Variants in FAM107B observed in about 807,000 individuals in gnomAD.
The protein encoded by FAM107B is protein FAM107B.
FAM107B carries 21 observed loss-of-function variants against 31.5 expected under a neutral mutation model. The observed-to-expected ratio is 0.67, with a 90% CI of 0.47 to 0.96. The LOEUF (loss-of-function observed/expected upper bound fraction) is 0.96. Among genes scored for constraint, FAM107B ranks in the 40% least tolerant of loss-of-function variants. FAM107B has a pLI of 0.00. For missense variants in FAM107B, 452 were observed against 377.1 expected (o/e 1.20, Z -1.64); for synonymous variants, 157 against 141.5 (o/e 1.11, Z -0.78).
chr10:14,737,766 TTCTC>T lies in FAM107B; in HGVS notation c.411+36483_411+36486del, dbSNP rs11276189. On this transcript the variant is annotated intron_variant, in intron 1 of 4. Transcript: ENST00000181796. ...CCATGCAGTGCTGTGCGTGCACGCTTTCTCTCTCTCTCTCTCTCTCTCTCTCTCT... is the reference window on the plus strand; with the variant it reads ...CCATGCAGTGCTGTGCGTGCACGCTTTCTCTCTCTCTCTCTCTCTCTCTCT... 1.7e-3 allele frequency among the ~76,000 whole-genome samples: 221 copies of T among 127,096 alleles called. 2 individuals are homozygous for T. In the South Asian group the frequency reaches 0.048, roughly 27 times the overall value. 83.4% of individuals were successfully genotyped at this position (127,096 alleles called of 152,430 possible). A position where few individuals can be genotyped will look rare whatever the true frequency, so the allele number is the denominator to read the frequency against.
chr10:14,589,749 T>C (rs1436908681), intron 2 of FAM107B, among the ~76,000 whole-genome samples: 2 of 152,090 alleles, frequency 1.3e-5, no homozygotes, highest in Non-Finnish European at 2.9e-5. Flanking sequence ...CAAACCACCG[T>C]GGCACATGTA....
intron 2 of FAM107B, among the ~76,000 whole-genome samples, chr10:14,552,501 G>T (rs536834815): frequency 6.6e-6 from 1 of 152,144 alleles, no homozygotes; most frequent in East Asian, 1.9e-4. Flanking sequence ...ACGTTTCCAG[G>T]AGAAATACAT....
chr10:14,543,382 C>T (rs1452845532), intron 2 of FAM107B, among the ~76,000 whole-genome samples: 1 of 152,122 alleles, frequency 6.6e-6, no homozygotes, highest in African/African-American at 2.4e-5. Context: ...CATCCAAGGC[C>T]ACTCTGAAGC....
At chr10:14,521,745 C>T (rs779291859) in intron 4 of FAM107B, 124 bp downstream of exon 4, 80 of 1,379,512 alleles carry the variant, frequency 5.8e-5, no homozygotes, top group Non-Finnish European at 7.5e-5. Flanking sequence ...ACATTTGTCT[C>T]CAATATTTCT....
intron 2 of FAM107B, among the ~76,000 whole-genome samples, chr10:14,562,186 T>C (rs1334693527): frequency 1.3e-5 from 2 of 152,240 alleles, no homozygotes; most frequent in Non-Finnish European, 2.9e-5. Context: ...CCAGTAGGGA[T>C]GCCCTCAAAT....
At chr10:14,730,269 C>T (rs1468632523) in intron 1 of FAM107B, among the ~76,000 whole-genome samples, 2 of 152,198 alleles carry the variant, frequency 1.3e-5, no homozygotes, top group African/African-American at 4.8e-5. Flanking sequence ...TGAGATGTCA[C>T]ATGGGCATCA....
At chr10:14,761,783 AG>A (rs375940559) in intron 1 of FAM107B, among the ~76,000 whole-genome samples, 4,999 of 151,096 alleles carry the variant, frequency 0.033, 267 homozygotes, top group African/African-American at 0.11. Context: ...TTTTTAGTAG[AG>A]GGGGGGGTTT....
chr10:14,702,940 C>T (rs1413674000), intron 1 of FAM107B, among the ~76,000 whole-genome samples: 1 of 152,148 alleles, frequency 6.6e-6, no homozygotes, highest in Non-Finnish European at 1.5e-5. Flanking sequence ...AAGAATGTCA[C>T]CGGACCTGAT....
Position 14,634,256 on chromosome 10 carries a change from C to G in FAM107B, c.469+33378G>C, listed in dbSNP as rs536755736. Among the ~76,000 whole-genome samples, 9 of 152,036 alleles carry G rather than the reference C, an allele frequency of 5.9e-5. No homozygotes were observed. In the South Asian group the frequency reaches 1.9e-3, roughly 32 times the overall value. On this transcript the variant is annotated intron_variant, in intron 2 of 4. Coordinates refer to ENST00000181796, the MANE Select transcript of FAM107B (RefSeq NM_031453.4). ...CTAAAATTACAAAAAAAAAATTAGCCAGGCGTGGTGGCGGGTGCCTATAGT... is the reference window on the plus strand; with the variant it reads ...CTAAAATTACAAAAAAAAAATTAGCGAGGCGTGGTGGCGGGTGCCTATAGT...
intron 1 of FAM107B, among the ~76,000 whole-genome samples, chr10:14,680,372 G>A (rs1854802209): frequency 6.6e-6 from 1 of 152,022 alleles, no homozygotes; most frequent in Non-Finnish European, 1.5e-5. Context: ...TCAGGAGTTC[G>A]AGACCAGCCA....
At chr10:14,671,880 A>AC (rs1223064076) in intron 1 of FAM107B, among the ~76,000 whole-genome samples, 2 of 53,096 alleles carry the variant, frequency 3.8e-5, no homozygotes, top group Non-Finnish European at 1.1e-4. Flanking sequence ...TTTAAAAAAA[A>AC]AAAACAAAAA....
In FAM107B at chr10:14,717,343, C is replaced by A. The variant is rs1295325087; in HGVS notation, c.412-49652G>T. 2.6e-5 allele frequency among the ~76,000 whole-genome samples: 4 copies of A among 152,088 alleles called. No individual in the cohort carries two copies. The East Asian group carries it at 7.7e-4, about 29-fold the overall frequency. On this transcript the variant is annotated intron_variant, in intron 1 of 4. Transcript: ENST00000181796. ...GTAAAAGGGAGTGTACTAGGGAGAACTGGCTCACAGGATTGCAAGGTGAGG... is the reference window on the plus strand; with the variant it reads ...GTAAAAGGGAGTGTACTAGGGAGAAATGGCTCACAGGATTGCAAGGTGAGG...
intron 1 of FAM107B, among the ~76,000 whole-genome samples, chr10:14,669,329 C>A (rs1219575219): frequency 2.7e-5 from 4 of 146,276 alleles, no homozygotes; most frequent in Non-Finnish European, 5.9e-5. Context: ...GAGATTGCAC[C>A]ACTGTACTCC....
chr10:14,583,157 C>T lies in FAM107B; in HGVS notation c.470-52642G>A, dbSNP rs555535941. Among the ~76,000 whole-genome samples the T allele has an allele frequency of 5.3e-5, 8 of 151,896 alleles. No homozygotes were observed. The East Asian group carries it at 1.5e-3, about 29-fold the overall frequency. On this transcript the variant is annotated intron_variant, in intron 2 of 4. Coordinates refer to ENST00000181796, the MANE Select transcript of FAM107B (RefSeq NM_031453.4). Reference sequence around the variant, plus strand: ...GTAAACGGCAGACCTGGAAGGTGGGCCCGGCAGTCTCATTCCAGAGCCTGA... The same window carrying T: ...GTAAACGGCAGACCTGGAAGGTGGGTCCGGCAGTCTCATTCCAGAGCCTGA...
chr10:14,637,547 G>C (rs542550072), intron 2 of FAM107B, among the ~76,000 whole-genome samples: 5 of 152,172 alleles, frequency 3.3e-5, no homozygotes, highest in Non-Finnish European at 2.9e-5. Context: ...AGGAGGCTGA[G>C]GTCAGAGGAT....
chr10:14,710,911 A>G (rs191745866), intron 1 of FAM107B, among the ~76,000 whole-genome samples: 1 of 148,556 alleles, frequency 6.7e-6, no homozygotes, highest in Non-Finnish European at 1.5e-5. Flanking sequence ...ATTTATTATT[A>G]AAGAAATAAT....
intron 2 of FAM107B, among the ~76,000 whole-genome samples, chr10:14,643,410 A>ATT (rs202127820): frequency 2.9e-4 from 41 of 140,272 alleles, no homozygotes; most frequent in East Asian, 4.2e-4. Flanking sequence ...GGTCAGTCTA[A>ATT]TTTTTTTTTT....
intron 2 of FAM107B, 61 bp from the exon 3 acceptor site, chr10:14,530,576 G>A (rs1846869489): frequency 6.0e-6 from 9 of 1,510,718 alleles, no homozygotes; most frequent in Non-Finnish European, 7.3e-6. Flanking sequence ...TCCCACACAT[G>A]CAGAGGCCCA....
intron 2 of FAM107B, among the ~76,000 whole-genome samples, chr10:14,590,242 C>T (rs1381736043): frequency 1.3e-5 from 2 of 152,226 alleles, no homozygotes; most frequent in African/African-American, 4.8e-5. Context: ...ATTTCAAACT[C>T]TTCCACGTTT....
Sources: allele counts gnomAD v4.1 joint callset (sites outside exome capture counted in the v4.1 genomes callset), GRCh38; gene constraint gnomAD v4.1.1; transcripts MANE v1.5; gene names NCBI Gene and HGNC (gene_info 2026-07-23, HGNC 2026-07-21).